ANKFN1: variants seen among roughly 807,000 people sequenced by gnomAD.
The protein encoded by ANKFN1 is ankyrin repeat and fibronectin type-III domain-containing protein 1.
In ANKFN1, 74 loss-of-function variants were observed where a neutral mutation model predicts 108.7. The observed-to-expected ratio is 0.68, with a 90% CI of 0.56 to 0.83. The LOEUF (loss-of-function observed/expected upper bound fraction) is 0.83, where lower values mean the gene tolerates loss of function less well. ANKFN1 is among the 40% of genes least tolerant of loss of function. The pLI is 0.00. For synonymous variants in ANKFN1, 547 were observed against 516.2 expected (o/e 1.06, Z -0.81); for missense variants, 1,505 against 1,382.3 (o/e 1.09, Z -1.41).
intron 15 of ANKFN1, among the ~76,000 whole-genome samples, chr17:56,475,331 C>T (rs547511054): frequency 1.3e-5 from 2 of 152,104 alleles, no homozygotes; most frequent in Non-Finnish European, 2.9e-5. Flanking sequence ...ATCTGAAACC[C>T]CAATGTCTCA....
intron 3 of ANKFN1, among the ~76,000 whole-genome samples, chr17:56,245,384 A>G (rs1290398569): frequency 6.6e-6 from 1 of 152,094 alleles, no homozygotes; most frequent in Non-Finnish European, 1.5e-5. Context: ...CAACTACTTT[A>G]TCTGGTTCTC....
Position 56,498,914 on chromosome 17 carries a change from G to T in ANKFN1, c.2460G>T (p.Trp820Cys). ...ATGAAGTCTGGCGTGAAATGAGATG[G>T]ATCATGGATGCTCTACAGTATGCAA... ...QIDEVWREMR[W>C]IMDALQYARY... The change falls in exon 20 of 21, where the codon TGG becomes TGT. Residue 820 changes from tryptophan to cysteine, a missense_variant. Transcript: ENST00000682825. 6 of 1,535,616 alleles carry T rather than the reference G, an allele frequency of 3.9e-6. No homozygotes were observed. The highest frequency in any genetic ancestry group is 5.2e-6 in the Non-Finnish European group (6 of 1,146,550).
intron 4 of ANKFN1, among the ~76,000 whole-genome samples, chr17:56,141,931 T>C (rs974175007): frequency 3.5e-5 from 5 of 141,136 alleles, no homozygotes; most frequent in Admixed American, 7.1e-5. Context: ...TACTTTTTTT[T>C]TTTTTTTTTT....
chr17:56,285,672 G>C (rs1567886068), intron 3 of ANKFN1, among the ~76,000 whole-genome samples: 1 of 152,094 alleles, frequency 6.6e-6, no homozygotes, highest in Admixed American at 6.6e-5. Flanking sequence ...CATAACTGTT[G>C]CAAACACAGA....
chr17:56,291,318 A>C (rs1384518541), intron 3 of ANKFN1, among the ~76,000 whole-genome samples: 1 of 151,616 alleles, frequency 6.6e-6, no homozygotes, highest in Non-Finnish European at 1.5e-5. Context: ...GGGATTGTCT[A>C]TTTTGAGTGG....
At chr17:56,244,198 A>C (rs1917792747) in intron 3 of ANKFN1, among the ~76,000 whole-genome samples, 1 of 152,136 alleles carries the variant, frequency 6.6e-6, no homozygotes, top group Admixed American at 6.6e-5. Context: ...TAATTTCAAA[A>C]ATATGTATCA....
At chr17:56,254,688 A>T (rs1038639241) in intron 3 of ANKFN1, among the ~76,000 whole-genome samples, 6 of 152,212 alleles carry the variant, frequency 3.9e-5, no homozygotes, top group African/African-American at 2.4e-5. Context: ...AAAGCCCTCC[A>T]TCCAGGTTGC....
chr17:56,424,295 T>C (rs2048492560), intron 8 of ANKFN1, among the ~76,000 whole-genome samples: 1 of 152,190 alleles, frequency 6.6e-6, no homozygotes, highest in South Asian at 2.1e-4. Context: ...GCTGTTTTCG[T>C]CACTTTTGAG....
chr17:56,442,576 CT>C (rs1193268317), intron 9 of ANKFN1, among the ~76,000 whole-genome samples: 1 of 152,026 alleles, frequency 6.6e-6, no homozygotes, highest in Non-Finnish European at 1.5e-5. Context: ...CATTATGATT[CT>C]TAAATTTTGA....
chr17:56,061,060 T>G lies in ANKFN1; in HGVS notation c.288+14735T>G, dbSNP rs573949503. On this transcript the variant is annotated intron_variant, in intron 4 of 12. Coordinates refer to the ANKFN1 transcript ENST00000635860. ...AGGATTTGGCTGTGAATCTGTCTGGTCCTGGGCTTTTTTTGGTTGGTAGGC... is the reference window on the plus strand; with the variant it reads ...AGGATTTGGCTGTGAATCTGTCTGGGCCTGGGCTTTTTTTGGTTGGTAGGC... Among the ~76,000 whole-genome samples the G allele has an allele frequency of 5.3e-5, 8 of 152,260 alleles. No individual in the cohort carries two copies. The South Asian group carries it at 1.7e-3, about 32-fold the overall frequency.
At chr17:56,064,380 AG>A in intron 4 of ANKFN1, among the ~76,000 whole-genome samples, 1 of 152,328 alleles carries the variant, frequency 6.6e-6, no homozygotes, top group African/African-American at 2.4e-5. Context: ...CACTCCCGCT[AG>A]GGGCTCAGGC....
intron 14 of ANKFN1, among the ~76,000 whole-genome samples, chr17:56,465,806 C>T (rs2050053390): frequency 6.6e-6 from 1 of 152,154 alleles, no homozygotes; most frequent in Non-Finnish European, 1.5e-5. Flanking sequence ...CCCTGAAATG[C>T]AGATAAGTCG....
intron 15 of ANKFN1, among the ~76,000 whole-genome samples, chr17:56,475,498 A>G (rs970878587): frequency 1.3e-5 from 2 of 152,124 alleles, no homozygotes; most frequent in Non-Finnish European, 2.9e-5. Flanking sequence ...AAGATCCCAT[A>G]CTTTTCCATT....
chr17:56,413,132 C>T (rs1385906641), intron 8 of ANKFN1, among the ~76,000 whole-genome samples: 3 of 152,002 alleles, frequency 2.0e-5, no homozygotes, highest in Admixed American at 1.3e-4. Flanking sequence ...TTTTTTAAAT[C>T]TTTCACTTCC....
intron 15 of ANKFN1, among the ~76,000 whole-genome samples, chr17:56,467,009 T>TG (rs1340013567): frequency 6.6e-6 from 1 of 151,934 alleles, no homozygotes; most frequent in African/African-American, 2.4e-5. Flanking sequence ...CTCAGCTGCT[T>TG]GGGGGGCTGA....
chr17:56,465,913 T>G (rs2050056792), intron 14 of ANKFN1, among the ~76,000 whole-genome samples: 1 of 152,216 alleles, frequency 6.6e-6, no homozygotes, highest in Non-Finnish European at 1.5e-5. Context: ...CTTCTTCATT[T>G]TAAACAACCC....
chr17:56,359,207 C>T (rs9912375), intron 6 of ANKFN1, among the ~76,000 whole-genome samples: 9,567 of 152,166 alleles, frequency 0.063, 970 homozygotes, highest in African/African-American at 0.22. Context: ...TGTGCACATA[C>T]ACAGTCACTA....
At chr17:56,438,481 A>G (rs900041921) in intron 8 of ANKFN1, among the ~76,000 whole-genome samples, 2 of 152,348 alleles carry the variant, frequency 1.3e-5, no homozygotes, top group South Asian at 4.1e-4. Flanking sequence ...TTTCAAAGCA[A>G]CTGGACTCTA....
At chr17:56,129,142 G>T (rs1180003103) in intron 4 of ANKFN1, among the ~76,000 whole-genome samples, 4 of 152,078 alleles carry the variant, frequency 2.6e-5, no homozygotes, top group Non-Finnish European at 4.4e-5. Context: ...TCTATTACTG[G>T]CAGGCTCTGG....
Sources: gnomAD v4.1 joint callset for allele counts (sites outside exome capture counted in the v4.1 genomes callset) on GRCh38, gnomAD v4.1.1 for gene constraint, MANE v1.5 for transcripts, NCBI Gene and HGNC (gene_info 2026-07-23, HGNC 2026-07-21) for gene names.